Variants in FRMD5 observed in about 807,000 individuals in gnomAD.
FRMD5 encodes the protein FERM domain containing 5, also known as FERM domain-containing protein 5.
In FRMD5, 20 loss-of-function variants were observed where a neutral mutation model predicts 69.0. That is an observed-to-expected ratio of 0.29 (90% CI 0.20 to 0.42). FRMD5 has a LOEUF of 0.42. Among genes scored for constraint, FRMD5 ranks in the 10% least tolerant of loss-of-function variants. The pLI is 1.00. For synonymous variants in FRMD5, 271 were observed against 260.1 expected, an observed-to-expected ratio of 1.04 and a Z score of -0.40; for missense variants, 595 against 708.6, an observed-to-expected ratio of 0.84 and a Z score of 1.82.
At chr15:43,904,853 T>C (rs2089131839) in intron 6 of FRMD5, among the ~76,000 whole-genome samples, 1 of 152,194 alleles carries the variant, frequency 6.6e-6, no homozygotes, top group Admixed American at 6.5e-5. Flanking sequence ...TTCAGCATAT[T>C]CTGGGCAAAG....
upstream of FRMD5, among the ~76,000 whole-genome samples, chr15:44,197,116 G>A (rs1595583017): frequency 1.3e-5 from 2 of 151,998 alleles, no homozygotes; most frequent in South Asian, 2.1e-4. Flanking sequence ...CAGGAGAATC[G>A]CTGGAACCCG....
At chr15:44,139,141 A>AT (rs1344584717) in intron 1 of FRMD5, among the ~76,000 whole-genome samples, 1 of 152,200 alleles carries the variant, frequency 6.6e-6, no homozygotes, top group East Asian at 1.9e-4. Context: ...CAGTAAAGCC[A>AT]TTTTAAAAAG....
intron 1 of FRMD5, among the ~76,000 whole-genome samples, chr15:44,166,272 T>C (rs557157772): frequency 1.8e-4 from 27 of 152,222 alleles, no homozygotes; most frequent in African/African-American, 5.8e-4. Flanking sequence ...CTAGAGTTCT[T>C]TTTAGTGTTT....
chr15:43,964,890 G>A (rs1027860884), intron 1 of FRMD5, among the ~76,000 whole-genome samples: 1 of 152,176 alleles, frequency 6.6e-6, no homozygotes, highest in African/African-American at 2.4e-5. Context: ...AAGACTCGGA[G>A]TTGGCAAACT....
intron 1 of FRMD5, chr15:43,990,171 A>T (rs946181330): frequency 1.6e-5 from 9 of 552,528 alleles, no homozygotes; most frequent in Non-Finnish European, 2.8e-5. Flanking sequence ...AAGCATGGTG[A>T]TATCATCATC....
chr15:43,962,927 A>G (rs558789212), intron 1 of FRMD5, among the ~76,000 whole-genome samples: 1 of 152,350 alleles, frequency 6.6e-6, no homozygotes, highest in African/African-American at 2.4e-5. Context: ...AAAGACTTAC[A>G]TGTTAGACCT....
At chr15:44,123,441 G>A in intron 1 of FRMD5, among the ~76,000 whole-genome samples, 1 of 152,086 alleles carries the variant, frequency 6.6e-6, no homozygotes, top group African/African-American at 2.4e-5. Flanking sequence ...ATATAAACAA[G>A]CTGGAAATCA....
At chr15:43,953,079 C>A (rs572598690) in intron 1 of FRMD5, among the ~76,000 whole-genome samples, 1 of 152,170 alleles carries the variant, frequency 6.6e-6, no homozygotes, top group Non-Finnish European at 1.5e-5. Context: ...ACTGGTAATT[C>A]CGCTTTAGAT....
Position 43,944,832 on chromosome 15 carries a change from C to T in FRMD5, c.103-20523G>A, listed in dbSNP as rs549807250. ...CAGGATTTATGCACAGAATTTGGGGCTTCCCATTTGCCTCTCTCCTTTCTG... is the reference window on the plus strand; with the variant it reads ...CAGGATTTATGCACAGAATTTGGGGTTTCCCATTTGCCTCTCTCCTTTCTG... On this transcript the variant is annotated intron_variant, in intron 1 of 13. Transcript: ENST00000417257. Among the ~76,000 whole-genome samples the T allele has an allele frequency of 3.5e-4, 53 of 152,302 alleles. No homozygotes were observed. The South Asian group carries it at 1.0e-2, about 29-fold the overall frequency.
At chr15:44,133,306 G>A (rs925752256) in intron 1 of FRMD5, among the ~76,000 whole-genome samples, 14 of 151,872 alleles carry the variant, frequency 9.2e-5, no homozygotes, top group Non-Finnish European at 2.1e-4. Flanking sequence ...GCCGGGCACG[G>A]TGGCTCACAT....
Position 43,876,220 on chromosome 15 carries a change from A to G in FRMD5, c.1136-1758T>C, listed in dbSNP as rs1242497756. 5.7e-6 allele frequency: 9 copies of G among 1,586,012 alleles called. No individual in the cohort carries two copies. In the African/African-American group the frequency reaches 1.2e-4, roughly 21 times the overall value. The stretch of plus-strand genomic sequence containing the variant: ...GCACCCCCTTTCCCCGCTTTTCCAG[A>G]ACCACTTTTTCCTTTGGGCGGCATC... On this transcript the variant is annotated intron_variant, in intron 13 of 13. Coordinates refer to ENST00000417257, the MANE Select transcript of FRMD5 (RefSeq NM_032892.5).
chr15:43,975,109 G>C (rs2090443969), intron 1 of FRMD5, among the ~76,000 whole-genome samples: 1 of 152,212 alleles, frequency 6.6e-6, no homozygotes, highest in African/African-American at 2.4e-5. Context: ...TTAGCAAAAA[G>C]ATAAACTAGG....
chr15:43,978,424 G>A (rs2090497881), intron 1 of FRMD5, among the ~76,000 whole-genome samples: 1 of 152,158 alleles, frequency 6.6e-6, no homozygotes, highest in African/African-American at 2.4e-5. Context: ...ACTAATCAGG[G>A]AAAGAAGGGA....
intron 1 of FRMD5, among the ~76,000 whole-genome samples, chr15:44,121,898 G>A (rs1289196588): frequency 6.8e-6 from 1 of 147,820 alleles, no homozygotes; most frequent in African/African-American, 2.5e-5. Context: ...GGGAGGGTGA[G>A]ACAGGAGAAT....
chr15:44,198,416 A>G (rs369542732), upstream of FRMD5, among the ~76,000 whole-genome samples: 1 of 152,050 alleles, frequency 6.6e-6, no homozygotes, highest in African/African-American at 2.4e-5. Context: ...ATTCATGCTT[A>G]GGTGTAATAT....
intron 1 of FRMD5, among the ~76,000 whole-genome samples, chr15:44,132,749 T>TGTAC (rs2077120348): frequency 1.0e-5 from 1 of 100,128 alleles, no homozygotes; most frequent in Non-Finnish European, 2.3e-5. Flanking sequence ...TATGTATGTA[T>TGTAC]GTATGTATGT....
intron 1 of FRMD5, among the ~76,000 whole-genome samples, chr15:43,933,898 G>A (rs373180838): frequency 3.3e-5 from 5 of 152,088 alleles, no homozygotes; most frequent in Admixed American, 2.6e-4. Flanking sequence ...AACTCAATCC[G>A]GGGAAAGAAC....
intron 2 of FRMD5, among the ~76,000 whole-genome samples, chr15:43,922,453 G>A (rs966585839): frequency 2.0e-5 from 3 of 152,158 alleles, no homozygotes; most frequent in Non-Finnish European, 4.4e-5. Flanking sequence ...GCAAGCAGTA[G>A]GAACTCCATA....
chr15:44,154,437 T>A (rs1307522412), intron 1 of FRMD5, among the ~76,000 whole-genome samples: 3 of 152,190 alleles, frequency 2.0e-5, no homozygotes, highest in African/African-American at 7.2e-5. Context: ...CTTTATCGGC[T>A]TACATACTTG....
Sources: gnomAD v4.1 joint callset for allele counts (sites outside exome capture counted in the v4.1 genomes callset) on GRCh38, gnomAD v4.1.1 for gene constraint, MANE v1.5 for transcripts, NCBI Gene and HGNC (gene_info 2026-07-23, HGNC 2026-07-21) for gene names.